The following SMCO4 variants were observed in gnomAD, a reference collection of about 807,000 sequenced individuals.
SMCO4 encodes the protein single-pass membrane and coiled-coil domain-containing protein 4.
In SMCO4, 4 loss-of-function variants were observed where a neutral mutation model predicts 3.6. The ratio of observed to expected loss-of-function variants is 1.11; its 90% confidence interval spans 0.54 to 2.53. The LOEUF (loss-of-function observed/expected upper bound fraction) is 2.53, where lower values mean the gene tolerates loss of function less well. SMCO4 is among the 30% of genes most tolerant of loss of function. SMCO4 has a pLI of 0.02. For missense variants in SMCO4, 70 were observed against 80.8 expected (o/e 0.87, Z 0.51); for synonymous variants, 36 against 35.3 (o/e 1.02, Z -0.07).
intron 1 of SMCO4, among the ~76,000 whole-genome samples, chr11:93,533,780 C>A (rs1047093220): frequency 1.3e-5 from 2 of 152,154 alleles, no homozygotes; most frequent in Non-Finnish European, 2.9e-5. Context: ...ATTCCCATAG[C>A]CCCCACCCTC....
intron 1 of SMCO4, among the ~76,000 whole-genome samples, chr11:93,537,078 C>A (rs571776519): frequency 4.6e-5 from 7 of 152,348 alleles, no homozygotes; most frequent in African/African-American, 9.6e-5. Flanking sequence ...AGTTCTGGGG[C>A]CTTCCTCCCT....
chr11:93,520,275 C>A (rs941355785), intron 1 of SMCO4, among the ~76,000 whole-genome samples: 3 of 152,228 alleles, frequency 2.0e-5, no homozygotes. Context: ...CCTGGAAAGA[C>A]CTTCCACTAA....
chr11:93,515,622 C>G (rs1422788694), intron 1 of SMCO4, among the ~76,000 whole-genome samples: 1 of 152,194 alleles, frequency 6.6e-6, no homozygotes, highest in African/African-American at 2.4e-5. Context: ...TTCTCTGCTT[C>G]TCTCTGCCTA....
At chr11:93,522,534 T>C (rs999948001) in intron 1 of SMCO4, among the ~76,000 whole-genome samples, 2 of 152,234 alleles carry the variant, frequency 1.3e-5, no homozygotes, top group Non-Finnish European at 2.9e-5. Context: ...CTTCAAATCT[T>C]TTATGCAGGC....
chr11:93,487,199 C>A (rs1004182069), intron 2 of SMCO4, among the ~76,000 whole-genome samples: 5 of 152,166 alleles, frequency 3.3e-5, no homozygotes, highest in African/African-American at 1.2e-4. Flanking sequence ...CATAACGGGC[C>A]TGTGATCACT....
rs139439122 is a variant in SMCO4 at position 93,487,707 on chromosome 11, T to C, written c.-80-8438A>G. ...TAATAAAGTGCTTTTCTGTGCATTA[T>C]TCATTTCATCCTCAAAGTAACTGTG... On this transcript the variant is annotated intron_variant, in intron 2 of 2. Transcript: ENST00000298966. 2.9e-3 allele frequency among the ~76,000 whole-genome samples: 445 copies of C among 152,356 alleles called. 1 individual carries two copies. Among genetic ancestry groups the C allele is most frequent in the African/African-American group, 0.01 (417 of 41,584 alleles).
At chr11:93,535,629 C>G in intron 1 of SMCO4, 1 of 1,586,336 alleles carries the variant, frequency 6.3e-7, no homozygotes, top group Non-Finnish European at 8.6e-7. Flanking sequence ...CTGCAGACAA[C>G]AAGTGTCTGT....
intron 1 of SMCO4, among the ~76,000 whole-genome samples, chr11:93,519,262 C>G (rs1014929106): frequency 6.6e-6 from 1 of 151,992 alleles, no homozygotes; most frequent in Non-Finnish European, 1.5e-5. Context: ...GGAGGATGCA[C>G]GAGTGCCTTT....
chr11:93,508,871 G>A (rs949968655), intron 1 of SMCO4, among the ~76,000 whole-genome samples: 2 of 152,212 alleles, frequency 1.3e-5, no homozygotes, highest in Non-Finnish European at 2.9e-5. Context: ...AACACTTCCA[G>A]AGCAAAGTAG....
At chr11:93,523,176 C>T (rs142537493) in intron 1 of SMCO4, among the ~76,000 whole-genome samples, 340 of 152,282 alleles carry the variant, frequency 2.2e-3, no homozygotes, top group Non-Finnish European at 4.1e-3. Flanking sequence ...TGGCTCATGC[C>T]TGTAATCCCA....
intron 1 of SMCO4, among the ~76,000 whole-genome samples, chr11:93,513,338 C>A (rs564800543): frequency 6.6e-6 from 1 of 152,300 alleles, no homozygotes; most frequent in East Asian, 1.9e-4. Flanking sequence ...ACAAGTTTGA[C>A]AAAATAAAAC....
intron 2 of SMCO4, among the ~76,000 whole-genome samples, chr11:93,491,044 C>T (rs1322210367): frequency 1.3e-5 from 2 of 152,204 alleles, no homozygotes; most frequent in Non-Finnish European, 2.9e-5. Flanking sequence ...CTCTATATAC[C>T]GTCATTCCTT....
chr11:93,545,681 T>C (rs962399637), upstream of SMCO4, among the ~76,000 whole-genome samples: 10 of 151,328 alleles, frequency 6.6e-5, no homozygotes, highest in African/African-American at 2.2e-4. Flanking sequence ...GCAATGCAAG[T>C]CTCAGAGGAA....
chr11:93,531,007 T>C (rs1949156512), intron 1 of SMCO4, among the ~76,000 whole-genome samples: 1 of 152,154 alleles, frequency 6.6e-6, no homozygotes, highest in Admixed American at 6.5e-5. Context: ...TTAAGATGAG[T>C]GTGATGGTTA....
At chr11:93,500,941 TC>T (rs1948830720) in intron 1 of SMCO4, among the ~76,000 whole-genome samples, 1 of 152,196 alleles carries the variant, frequency 6.6e-6, no homozygotes, top group Non-Finnish European at 1.5e-5. Context: ...CACTGGAGCA[TC>T]AGCTTTCACT....
chr11:93,510,850 G>T (rs1948950240), intron 1 of SMCO4, among the ~76,000 whole-genome samples: 1 of 152,160 alleles, frequency 6.6e-6, no homozygotes, highest in African/African-American at 2.4e-5. Flanking sequence ...TGTAATCCAA[G>T]CACTTTGGGA....
intron 2 of SMCO4, among the ~76,000 whole-genome samples, chr11:93,487,308 A>G (rs1266153187): frequency 6.6e-6 from 1 of 152,200 alleles, no homozygotes; most frequent in South Asian, 2.1e-4. Flanking sequence ...ACCTGCTGAT[A>G]ACATAAGCGT....
chr11:93,514,644 C>A (rs990848177), intron 1 of SMCO4, among the ~76,000 whole-genome samples: 1 of 152,102 alleles, frequency 6.6e-6, no homozygotes, highest in African/African-American at 2.4e-5. Context: ...TTCTTATCCA[C>A]TCCACTGCTA....
intron 2 of SMCO4, among the ~76,000 whole-genome samples, chr11:93,494,411 T>A (rs558332230): frequency 6.6e-6 from 1 of 152,316 alleles, no homozygotes; most frequent in African/African-American, 2.4e-5. Context: ...GTTAACAGTA[T>A]AATTAGACCT....
Sources: gnomAD v4.1 joint callset for allele counts (sites outside exome capture counted in the v4.1 genomes callset) on GRCh38, gnomAD v4.1.1 for gene constraint, MANE v1.5 for transcripts, NCBI Gene and HGNC (gene_info 2026-07-23, HGNC 2026-07-21) for gene names.